The following ENTHD1 variants were observed in gnomAD, a reference collection of about 807,000 sequenced individuals.
ENTHD1 encodes ENTH domain-containing protein 1.
A neutral mutation model predicts 39.1 loss-of-function variants in ENTHD1; 23 were observed. The observed-to-expected ratio is 0.59, with a 90% CI of 0.42 to 0.83. ENTHD1 has a LOEUF of 0.83. Among genes scored for constraint, ENTHD1 ranks in the 40% least tolerant of loss-of-function variants. The pLI is 0.00. For synonymous variants in ENTHD1, 230 were observed against 258.2 expected (o/e 0.89, Z 1.05); for missense variants, 624 against 705.4 (o/e 0.88, Z 1.31).
Position 39,891,170 on chromosome 22 carries a change from G to C in ENTHD1, c.-156+2525C>G, listed in dbSNP as rs186583940. On this transcript the variant is annotated intron_variant, in intron 1 of 6. Transcript: ENST00000325157. ...GGTATTTCATGTCACAAATCTGAGA[G>C]GTCTTCACCGACCTCACTAACTACT... 3.3e-5 allele frequency among the ~76,000 whole-genome samples: 5 copies of C among 152,270 alleles called. No individual in the cohort carries two copies. In the East Asian group the frequency reaches 9.7e-4, roughly 29 times the overall value.
intron 2 of ENTHD1, among the ~76,000 whole-genome samples, chr22:39,869,590 C>T (rs953648513): frequency 1.4e-5 from 2 of 147,326 alleles, no homozygotes; most frequent in African/African-American, 5.0e-5. Flanking sequence ...ATCCAGGTAA[C>T]AAACCTGCAC....
chr22:39,869,983 C>A (rs1196503779), intron 2 of ENTHD1, among the ~76,000 whole-genome samples: 1 of 140,630 alleles, frequency 7.1e-6, no homozygotes, highest in Admixed American at 7.1e-5. Flanking sequence ...GAGAACAGTA[C>A]TTTATTTATT....
chr22:39,748,814 G>C (rs1291019094), intron 6 of ENTHD1, among the ~76,000 whole-genome samples: 1 of 152,162 alleles, frequency 6.6e-6, no homozygotes, highest in Admixed American at 6.6e-5. Context: ...ATTGATGCCA[G>C]TGGTTCTCAA....
At chr22:39,778,869 C>T (rs932159882) in intron 5 of ENTHD1, among the ~76,000 whole-genome samples, 5 of 152,164 alleles carry the variant, frequency 3.3e-5, no homozygotes, top group African/African-American at 1.2e-4. Context: ...AGACCATGTA[C>T]TACAAACGTG....
chr22:39,864,018 A>G (rs1455170366), intron 2 of ENTHD1, among the ~76,000 whole-genome samples: 7 of 151,006 alleles, frequency 4.6e-5, no homozygotes. Flanking sequence ...TTAGCTTCCT[A>G]TGATCAGTTT....
chr22:39,862,236 A>G (rs1271437019), intron 2 of ENTHD1, among the ~76,000 whole-genome samples: 1 of 152,150 alleles, frequency 6.6e-6, no homozygotes, highest in Non-Finnish European at 1.5e-5. Flanking sequence ...CTTTAAATAC[A>G]TTATTGGATT....
intron 2 of ENTHD1, among the ~76,000 whole-genome samples, chr22:39,877,691 G>C (rs1451221637): frequency 6.6e-6 from 1 of 151,982 alleles, no homozygotes; most frequent in Non-Finnish European, 1.5e-5. Flanking sequence ...TCTAGCAGGG[G>C]AAGGAAAAAA....
intron 2 of ENTHD1, among the ~76,000 whole-genome samples, chr22:39,865,525 C>T (rs2066175304): frequency 6.6e-6 from 1 of 152,114 alleles, no homozygotes; most frequent in South Asian, 2.1e-4. Flanking sequence ...CAATATGTTT[C>T]TGAAAAGAAA....
At position 39,820,706 on chromosome 22, in the gene ENTHD1, GA is replaced by G. The variant is rs201937216; in HGVS notation, c.832+286del. ...AGAGTTCATAATTTAAATTCTTTAT[GA>G]AAAAAAACAGGAACTAAAATTAATT... On this transcript the variant is annotated intron_variant, in intron 5 of 6. Transcript: ENST00000325157. Among the ~76,000 whole-genome samples the G allele has an allele frequency of 6.2e-3, 931 of 151,224 alleles. 10 individuals carry two copies. The highest frequency in any genetic ancestry group is 0.02 in the African/African-American group (821 of 41,218).
At chr22:39,756,316 T>A (rs4521148) in intron 6 of ENTHD1, among the ~76,000 whole-genome samples, 50,347 of 137,450 alleles carry the variant, frequency 0.37, 9,793 homozygotes, top group Middle Eastern at 0.49. Context: ...TCTCTCTCTC[T>A]CACACACACA....
At chr22:39,783,038 T>C (rs951438270) in intron 5 of ENTHD1, among the ~76,000 whole-genome samples, 4 of 152,036 alleles carry the variant, frequency 2.6e-5, no homozygotes, top group Non-Finnish European at 4.4e-5. Flanking sequence ...ACCCAAATAT[T>C]CCACAAAAAA....
Position 39,807,289 on chromosome 22 carries a change from G to A in ENTHD1, c.832+13704C>T, listed in dbSNP as rs546631790. On this transcript the variant is annotated intron_variant, in intron 5 of 6. Coordinates refer to ENST00000325157, the MANE Select transcript of ENTHD1 (RefSeq NM_152512.4). ...AAAGGCTCCCCATTGTTTTTCAGACGCAATAAAAACTCCTCAACATGGCTT... is the reference window on the plus strand; with the variant it reads ...AAAGGCTCCCCATTGTTTTTCAGACACAATAAAAACTCCTCAACATGGCTT... 1.2e-4 allele frequency among the ~76,000 whole-genome samples: 19 copies of A among 152,132 alleles called. No individual in the cohort carries two copies. In the East Asian group the frequency reaches 1.5e-3, roughly 12 times the overall value.
At chr22:39,827,118 C>T (rs1043982370) in intron 4 of ENTHD1, among the ~76,000 whole-genome samples, 27 of 151,670 alleles carry the variant, frequency 1.8e-4, no homozygotes, top group Non-Finnish European at 3.4e-4. Context: ...CAGGTTCACG[C>T]CATTCTCCTG....
intron 2 of ENTHD1, among the ~76,000 whole-genome samples, chr22:39,881,885 G>A (rs551657812): frequency 8.5e-5 from 13 of 152,250 alleles, no homozygotes; most frequent in South Asian, 8.3e-4. Flanking sequence ...CAAAGGCAAC[G>A]CAAGTGTAAA....
intron 5 of ENTHD1, among the ~76,000 whole-genome samples, chr22:39,773,808 T>C (rs2065346192): frequency 6.6e-6 from 1 of 152,200 alleles, no homozygotes; most frequent in Non-Finnish European, 1.5e-5. Context: ...ACTACAAATT[T>C]AGGCATTGCT....
intron 5 of ENTHD1, among the ~76,000 whole-genome samples, chr22:39,786,841 T>C (rs2146594405): frequency 6.6e-6 from 1 of 152,332 alleles, no homozygotes; most frequent in South Asian, 2.1e-4. Flanking sequence ...GTCTTCCAGG[T>C]TTATTCATGT....
Position 39,887,484 on chromosome 22 carries a change from C to A in ENTHD1, c.265G>T (p.Val89Phe). The A allele has an allele frequency of 6.2e-7, 1 of 1,614,204 alleles. No homozygotes were observed. Among genetic ancestry groups the A allele is most frequent in the Non-Finnish European group, 8.5e-7 (1 of 1,180,034 alleles). ...AACCCCTCTCTGCAATGCTGAATAA[C>A]TTTCTTTGATCCATTCTTGATGAGA... The part of the protein sequence containing the change: ...DYLIKNGSKK[V>F]IQHCREGFCN... The change falls in exon 2 of 7, where the codon GTT (valine) becomes TTT (phenylalanine). Residue 89 changes from valine (V) to phenylalanine (F), a missense_variant. By Grantham distance (50) the Val-to-Phe change is conservative. Transcript: ENST00000325157.
rs979131698 is a variant in ENTHD1 at position 39,794,599 on chromosome 22, G to A, written c.832+26394C>T. Among the ~76,000 whole-genome samples the A allele has an allele frequency of 3.3e-5, 5 of 151,916 alleles. No homozygotes were observed. In the East Asian group the frequency reaches 7.7e-4, roughly 24 times the overall value. On this transcript the variant is annotated intron_variant, in intron 5 of 6. Transcript: ENST00000325157. ...AGATGGATCACGAGGTCAGGAAATC[G>A]AGACCATCCTGGCTAACATGGTGAA... is the stretch of plus-strand genomic sequence containing the variant.
At chr22:39,832,374 G>A (rs983818539) in intron 4 of ENTHD1, among the ~76,000 whole-genome samples, 8 of 152,068 alleles carry the variant, frequency 5.3e-5, no homozygotes, top group African/African-American at 1.9e-4. Flanking sequence ...ACCTACGAAA[G>A]GAGAATAAAT....
Sources: gnomAD v4.1 joint callset for allele counts (sites outside exome capture counted in the v4.1 genomes callset) on GRCh38, gnomAD v4.1.1 for gene constraint, MANE v1.5 for transcripts, NCBI Gene and HGNC (gene_info 2026-07-23, HGNC 2026-07-21) for gene names.